The following CTNNA2 variants were observed in gnomAD, a reference collection of about 807,000 sequenced individuals.
The protein encoded by CTNNA2 is catenin alpha-2.
A neutral mutation model predicts 101.0 loss-of-function variants in CTNNA2; 42 were observed. That is an observed-to-expected ratio of 0.42 (90% CI 0.32 to 0.54). The LOEUF is 0.54. Among genes scored for constraint, CTNNA2 ranks in the 20% least tolerant of loss-of-function variants. The pLI is 0.14. For missense variants in CTNNA2, 871 were observed against 1,223.1 expected, an observed-to-expected ratio of 0.71 and a Z score of 4.29; for synonymous variants, 450 against 456.4, an observed-to-expected ratio of 0.99 and a Z score of 0.18.
intron 4 of CTNNA2, among the ~76,000 whole-genome samples, chr2:79,404,041 A>C (rs558355769): frequency 2.0e-5 from 3 of 151,926 alleles, no homozygotes; most frequent in Non-Finnish European, 4.4e-5. Flanking sequence ...AATTTACTAG[A>C]ATTCTTGCTC....
chr2:80,643,355 T>C (rs995717441), intron 18 of CTNNA2, among the ~76,000 whole-genome samples: 1 of 152,118 alleles, frequency 6.6e-6, no homozygotes, highest in African/African-American at 2.4e-5. Flanking sequence ...CTTCTAAGTC[T>C]CAATTGGTCA....
intron 4 of CTNNA2, among the ~76,000 whole-genome samples, chr2:79,376,124 T>C (rs965520705): frequency 2.6e-4 from 40 of 152,176 alleles, no homozygotes; most frequent in African/African-American, 9.6e-4. Context: ...AAGCAGAAGA[T>C]GGTAGATGAG....
chr2:80,112,412 G>T (rs917396807), intron 7 of CTNNA2, among the ~76,000 whole-genome samples: 1 of 152,126 alleles, frequency 6.6e-6, no homozygotes, highest in African/African-American at 2.4e-5. Context: ...CATAGAAAAA[G>T]ATTTACTGAT....
At chr2:80,546,834 G>C (rs913716536) in intron 11 of CTNNA2, among the ~76,000 whole-genome samples, 2 of 150,726 alleles carry the variant, frequency 1.3e-5, no homozygotes, top group Non-Finnish European at 2.9e-5. Flanking sequence ...TCTCTGTGAG[G>C]AGGAGGTCAC....
At chr2:79,989,527 C>T (rs940075022) in intron 7 of CTNNA2, among the ~76,000 whole-genome samples, 2 of 152,062 alleles carry the variant, frequency 1.3e-5, no homozygotes, top group African/African-American at 4.8e-5. Flanking sequence ...GTCCCAGTTA[C>T]TTGGGAGGCT....
At chr2:80,225,199 G>C (rs920712475) in intron 7 of CTNNA2, among the ~76,000 whole-genome samples, 2 of 152,148 alleles carry the variant, frequency 1.3e-5, no homozygotes, top group Admixed American at 6.5e-5. Flanking sequence ...CACTCTCAGA[G>C]CTCCAACCTG....
intron 7 of CTNNA2, among the ~76,000 whole-genome samples, chr2:80,035,261 C>G (rs1054666716): frequency 6.6e-6 from 1 of 152,138 alleles, no homozygotes; most frequent in Non-Finnish European, 1.5e-5. Flanking sequence ...CTAATCCTGT[C>G]TCCACCGCTT....
chr2:79,860,546 G>GTTTTTTTTTTTTTTTTTTTTTTTTTT (rs56929879), intron 4 of CTNNA2, among the ~76,000 whole-genome samples: 6 of 107,196 alleles, frequency 5.6e-5, no homozygotes, highest in African/African-American at 1.8e-4. Context: ...AGTAAGGGAA[G>GTTTTTTTTTTTTTTTTTTTTTTTTTT]TTTTTTTTTT....
At chr2:80,156,729 G>C (rs1238604746) in intron 7 of CTNNA2, among the ~76,000 whole-genome samples, 1 of 152,202 alleles carries the variant, frequency 6.6e-6, no homozygotes, top group African/African-American at 2.4e-5. Context: ...GACAGGTGGT[G>C]GGTACCACAC....
rs143496078 is a variant in CTNNA2, at chr2:80,387,264, G to A, written c.1057-5947G>A. ...AGATTGTGCCACTGCACTCCAGCCT[G>A]GGCAATAGAGCAAGACTTTGTCTCA... On this transcript the variant is annotated intron_variant, in intron 7 of 18. Coordinates refer to ENST00000402739, the MANE Select transcript of CTNNA2 (RefSeq NM_001282597.3). Among the ~76,000 whole-genome samples, 113 of 152,154 alleles carry A rather than the reference G, an allele frequency of 7.4e-4. 1 individual carries two copies. In the East Asian group the frequency reaches 0.022, roughly 29 times the overall value.
rs1698910932 is a variant in CTNNA2 at position 80,078,536 on chromosome 2, C to T, written c.1056+168739C>T. Among the ~76,000 whole-genome samples the T allele has an allele frequency of 1.3e-5, 2 of 152,112 alleles. 1 individual carries two copies. The highest frequency in any genetic ancestry group is 4.1e-4 in the South Asian group (2 of 4,822). Reference sequence around the variant, plus strand: ...TGTATCCATTCAGCTTTAGAACAGCCCCGCGGGCATCTGTATGGTGTATGG... The same window carrying T: ...TGTATCCATTCAGCTTTAGAACAGCTCCGCGGGCATCTGTATGGTGTATGG... On this transcript the variant is annotated intron_variant, in intron 7 of 18. Transcript: ENST00000402739.
intron 7 of CTNNA2, among the ~76,000 whole-genome samples, chr2:80,389,525 C>G (rs1677312335): frequency 6.6e-6 from 1 of 152,182 alleles, no homozygotes; most frequent in Admixed American, 6.5e-5. Flanking sequence ...CTCTCTCTGT[C>G]TCACTCTCAG....
At chr2:80,204,726 G>T (rs529171611) in intron 7 of CTNNA2, among the ~76,000 whole-genome samples, 12 of 151,728 alleles carry the variant, frequency 7.9e-5, no homozygotes, top group Admixed American at 4.6e-4. Context: ...CCATGTTTTT[G>T]GGTATCTTTT....
intron 4 of CTNNA2, among the ~76,000 whole-genome samples, chr2:79,497,719 C>T (rs991281646): frequency 2.0e-5 from 3 of 152,324 alleles, no homozygotes; most frequent in Admixed American, 6.5e-5. Context: ...TGCATATCAT[C>T]GCTATCTCTT....
chr2:79,999,945 G>A (rs181389701), intron 7 of CTNNA2, among the ~76,000 whole-genome samples: 153 of 152,278 alleles, frequency 1.0e-3, no homozygotes, highest in African/African-American at 3.2e-3. Context: ...ACGAGAAAGA[G>A]ATGGGAAGAG....
chr2:80,634,887 C>T (rs1399496407), intron 18 of CTNNA2, among the ~76,000 whole-genome samples: 1 of 151,968 alleles, frequency 6.6e-6, no homozygotes, highest in Non-Finnish European at 1.5e-5. Flanking sequence ...AACTGTGTTG[C>T]CAATAACTGA....
chr2:80,602,476 T>C (rs531328636), intron 15 of CTNNA2, among the ~76,000 whole-genome samples: 26 of 152,180 alleles, frequency 1.7e-4, no homozygotes, highest in Middle Eastern at 3.4e-3. Flanking sequence ...TGCAGTCTTA[T>C]TGAATGGGTT....
intron 8 of CTNNA2, among the ~76,000 whole-genome samples, chr2:80,409,448 G>A (rs575608242): frequency 1.7e-4 from 26 of 152,288 alleles, no homozygotes; most frequent in African/African-American, 5.5e-4. Context: ...CCATGTGTGA[G>A]GTCGTGTTGA....
rs58195629 is a variant in CTNNA2 at position 79,994,388 on chromosome 2, C to T, written c.1056+84591C>T. ...CCTGAATTTACCTGCTGTACTTTGT[C>T]GCTTGTTTCCTCTTTTCCCCCAGCT... On this transcript the variant is annotated intron_variant, in intron 7 of 18. Transcript: ENST00000402739. 7.2e-3 allele frequency among the ~76,000 whole-genome samples: 1,101 copies of T among 152,280 alleles called. 7 individuals are homozygous for T. The highest frequency in any genetic ancestry group is 0.025 in the African/African-American group (1,034 of 41,570).
Sources: gnomAD v4.1 joint callset for allele counts (sites outside exome capture counted in the v4.1 genomes callset) on GRCh38, gnomAD v4.1.1 for gene constraint, MANE v1.5 for transcripts, NCBI Gene and HGNC (gene_info 2026-07-23, HGNC 2026-07-21) for gene names.